Variants in DCC observed in about 807,000 individuals in gnomAD.
DCC encodes DCC netrin 1 receptor, also known as netrin receptor DCC.
A neutral mutation model predicts 172.5 loss-of-function variants in DCC; 58 were observed. The observed-to-expected ratio is 0.34, with a 90% CI of 0.27 to 0.42. The LOEUF is 0.42. DCC is among the 10% of genes least tolerant of loss of function. DCC has a pLI of 1.00. For synonymous variants in DCC, 709 were observed against 644.5 expected, an observed-to-expected ratio of 1.10 and a Z score of -1.52; for missense variants, 1,740 against 1,791.0, an observed-to-expected ratio of 0.97 and a Z score of 0.51.
intron 5 of DCC, among the ~76,000 whole-genome samples, chr18:52,949,685 G>C (rs2040604438): frequency 6.6e-6 from 1 of 152,214 alleles, no homozygotes; most frequent in Non-Finnish European, 1.5e-5. Context: ...GTTTTCAGCA[G>C]TGCTGGTCTC....
intron 1 of DCC, among the ~76,000 whole-genome samples, chr18:52,475,395 C>T (rs755210522): frequency 7.9e-5 from 12 of 151,998 alleles, no homozygotes; most frequent in Admixed American, 2.0e-4. Context: ...CCATTAAATT[C>T]TTGTATCATT....
At chr18:52,878,375 T>G (rs1264294796) in intron 2 of DCC, among the ~76,000 whole-genome samples, 1 of 152,184 alleles carries the variant, frequency 6.6e-6, no homozygotes, top group Non-Finnish European at 1.5e-5. Flanking sequence ...TAAGAAACAG[T>G]TACTAACAAG....
intron 1 of DCC, among the ~76,000 whole-genome samples, chr18:52,479,884 C>T (rs940804628): frequency 3.9e-5 from 6 of 152,104 alleles, no homozygotes; most frequent in Non-Finnish European, 2.9e-5. Context: ...ATTTCACGGA[C>T]GACTTCTGCT....
At chr18:53,502,788 T>G (rs2046119854) in intron 27 of DCC, among the ~76,000 whole-genome samples, 1 of 152,094 alleles carries the variant, frequency 6.6e-6, no homozygotes, top group African/African-American at 2.4e-5. Context: ...GCTTTGAGAT[T>G]AGGATCAAGG....
Position 53,159,008 on chromosome 18 carries a change from A to AAAAAAAAAAAG in DCC, c.1418+1496_1418+1497insAAAAAAAAAAG, listed in dbSNP as rs34406723. 8.4e-4 allele frequency among the ~76,000 whole-genome samples: 100 copies of AAAAAAAAAAAG among 119,164 alleles called. 8 individuals are homozygous for AAAAAAAAAAAG. Among genetic ancestry groups the AAAAAAAAAAAG allele is most frequent in the African/African-American group, 2.5e-3 (77 of 30,652 alleles). 78.2% of individuals were successfully genotyped at this position (119,164 alleles called of 152,430 possible). On this transcript the variant is annotated intron_variant, in intron 8 of 28. Coordinates refer to ENST00000442544, the MANE Select transcript of DCC (RefSeq NM_005215.4). The stretch of plus-strand genomic sequence containing the variant: ...CATCTCAAAAAAAAAAAAAAAAAGA[A>AAAAAAAAAAAG]GAAGATGTAGGCATACCCATATTGC...
At chr18:53,105,510 A>G (rs886082302) in intron 7 of DCC, among the ~76,000 whole-genome samples, 2 of 151,976 alleles carry the variant, frequency 1.3e-5, no homozygotes, top group Non-Finnish European at 1.5e-5. Context: ...ATTTATTTGT[A>G]TTTTGTTAAG....
intron 21 of DCC, among the ~76,000 whole-genome samples, chr18:53,421,350 G>A (rs923978227): frequency 1.3e-5 from 2 of 152,158 alleles, no homozygotes; most frequent in Non-Finnish European, 2.9e-5. Context: ...TTCTCATGAA[G>A]TGATTTTCAC....
rs113185036 is a variant in DCC at position 53,251,484 on chromosome 18, A to G, written c.1911+35887A>G. Reference sequence around the variant, plus strand: ...TAACACAAATATGATTTGTGCATTTATATGCTAAATAATCAAGAACTTGTC... The same window carrying G: ...TAACACAAATATGATTTGTGCATTTGTATGCTAAATAATCAAGAACTTGTC... On this transcript the variant is annotated intron_variant, in intron 12 of 28. Transcript: ENST00000442544. Among the ~76,000 whole-genome samples the G allele has an allele frequency of 3.3e-3, 504 of 152,108 alleles. 4 individuals carry two copies. The highest frequency in any genetic ancestry group is 0.011 in the African/African-American group (469 of 41,538).
intron 1 of DCC, among the ~76,000 whole-genome samples, chr18:52,656,809 T>G (rs898918660): frequency 3.3e-5 from 5 of 152,048 alleles, no homozygotes; most frequent in African/African-American, 1.2e-4. Context: ...ACTCCATGGG[T>G]TTCCCAGGAA....
At chr18:52,649,441 T>C (rs1377464625) in intron 1 of DCC, among the ~76,000 whole-genome samples, 1 of 151,002 alleles carries the variant, frequency 6.6e-6, no homozygotes, top group East Asian at 1.9e-4. Context: ...TTTTTTTTTA[T>C]ATGTGTAAAT....
At chr18:53,384,335 T>C (rs1053211841) in intron 15 of DCC, among the ~76,000 whole-genome samples, 14 of 152,192 alleles carry the variant, frequency 9.2e-5, no homozygotes, top group Non-Finnish European at 8.8e-5. Context: ...TAATTTTTTT[T>C]TCTAAGTCAT....
intron 1 of DCC, among the ~76,000 whole-genome samples, chr18:52,694,584 T>C (rs1417064437): frequency 6.6e-6 from 1 of 150,966 alleles, no homozygotes; most frequent in African/African-American, 2.5e-5. Flanking sequence ...TGCTTCTTTT[T>C]ACATATACTT....
At chr18:52,926,964 G>GATAT (rs34799526) in intron 5 of DCC, among the ~76,000 whole-genome samples, 34 of 137,632 alleles carry the variant, frequency 2.5e-4, no homozygotes, top group Non-Finnish European at 4.3e-4. Flanking sequence ...ACTATATATG[G>GATAT]ATATATATAC....
chr18:52,958,285 G>A (rs2040781231), intron 5 of DCC, among the ~76,000 whole-genome samples: 1 of 151,674 alleles, frequency 6.6e-6, no homozygotes, highest in Non-Finnish European at 1.5e-5. Flanking sequence ...ATCAAAAATA[G>A]ATAATCTATC....
At chr18:52,583,636 A>G (rs1218664766) in intron 1 of DCC, among the ~76,000 whole-genome samples, 2 of 152,212 alleles carry the variant, frequency 1.3e-5, no homozygotes, top group African/African-American at 4.8e-5. Context: ...TTTAACGTGT[A>G]TATTTCACTT....
At chr18:52,588,066 T>G (rs1598935491) in intron 1 of DCC, among the ~76,000 whole-genome samples, 1 of 152,130 alleles carries the variant, frequency 6.6e-6, no homozygotes, top group Non-Finnish European at 1.5e-5. Context: ...GCAGTTCAGG[T>G]TGCATGGTGA....
At chr18:52,475,447 G>A (rs995202257) in intron 1 of DCC, among the ~76,000 whole-genome samples, 1 of 152,054 alleles carries the variant, frequency 6.6e-6, no homozygotes, top group East Asian at 1.9e-4. Flanking sequence ...TTTATTGCTT[G>A]GCCCGTAATT....
chr18:53,219,958 C>G (rs150596131), intron 12 of DCC, among the ~76,000 whole-genome samples: 3 of 151,822 alleles, frequency 2.0e-5, no homozygotes, highest in Admixed American at 6.6e-5. Flanking sequence ...TGCAGAAGGA[C>G]ATGCTTTTGA....
intron 12 of DCC, among the ~76,000 whole-genome samples, chr18:53,229,116 A>C (rs1201259961): frequency 6.6e-6 from 1 of 152,174 alleles, no homozygotes; most frequent in Admixed American, 6.6e-5. Flanking sequence ...GTATAAAGGG[A>C]GATGATCTAC....
Sources: gnomAD v4.1 joint callset for allele counts (sites outside exome capture counted in the v4.1 genomes callset) on GRCh38, gnomAD v4.1.1 for gene constraint, MANE v1.5 for transcripts, NCBI Gene and HGNC (gene_info 2026-07-23, HGNC 2026-07-21) for gene names.